Variants in ADARB2 observed in about 807,000 individuals in gnomAD.
ADARB2 encodes the protein inactive double-stranded RNA-specific editase B2.
Under a neutral mutation model 62.2 loss-of-function variants are expected in ADARB2, and 25 were observed. That is an observed-to-expected ratio of 0.40 (90% CI 0.29 to 0.56). ADARB2 has a LOEUF of 0.56. Ranked by LOEUF, ADARB2 falls within the 20% of genes least tolerant of loss-of-function variation. The pLI, the probability that ADARB2 is intolerant of heterozygous loss-of-function variation, is 0.43. For missense variants in ADARB2, 1,071 were observed against 1,077.4 expected (o/e 0.99, Z 0.08); for synonymous variants, 572 against 500.8 (o/e 1.14, Z -1.90).
chr10:1,620,341 C>T (rs905014067), intron 1 of ADARB2, among the ~76,000 whole-genome samples: 6 of 152,036 alleles, frequency 3.9e-5, no homozygotes, highest in African/African-American at 1.4e-4. Flanking sequence ...GTCATAAGCA[C>T]ATGTTATGGG....
At position 1,471,955 on chromosome 10, in the gene ADARB2, A is replaced by G. The variant is rs556008522; in HGVS notation, c.101-92795T>C. ...CGTCATTTGACCAAAAAAGTACTTT[A>G]ATTTTTGGTTGTGGTCATTTAACTA... On this transcript the variant is annotated intron_variant, in intron 1 of 9. Coordinates refer to ENST00000381312, the MANE Select transcript of ADARB2 (RefSeq NM_018702.4). Among the ~76,000 whole-genome samples the G allele has an allele frequency of 5.3e-5, 8 of 152,230 alleles. No individual in the cohort carries two copies. In the East Asian group the frequency reaches 1.5e-3, roughly 29 times the overall value.
intron 1 of ADARB2, among the ~76,000 whole-genome samples, chr10:1,501,743 C>A (rs1831771002): frequency 1.3e-5 from 2 of 152,178 alleles, no homozygotes. Flanking sequence ...TGTCCTTCAG[C>A]CAATCCTCCA....
chr10:1,695,350 T>C (rs923002959), intron 1 of ADARB2, among the ~76,000 whole-genome samples: 1 of 152,098 alleles, frequency 6.6e-6, no homozygotes, highest in African/African-American at 2.4e-5. Context: ...GCCTCAGCTG[T>C]TCTCAGCATT....
intron 1 of ADARB2, among the ~76,000 whole-genome samples, chr10:1,605,344 C>A (rs568573730): frequency 2.6e-5 from 4 of 152,218 alleles, no homozygotes; most frequent in African/African-American, 9.7e-5. Context: ...CTTACTGTGA[C>A]AATGTCACCT....
chr10:1,662,663 A>C (rs1266850761), intron 1 of ADARB2, among the ~76,000 whole-genome samples: 1 of 152,210 alleles, frequency 6.6e-6, no homozygotes, highest in East Asian at 1.9e-4. Context: ...GCAGTGAACT[A>C]CGGCCCCTCG....
intron 1 of ADARB2, among the ~76,000 whole-genome samples, chr10:1,590,496 C>G (rs568671019): frequency 9.7e-4 from 147 of 152,288 alleles, no homozygotes; most frequent in Non-Finnish European, 1.6e-3. Context: ...AGCAGTTCCC[C>G]CTCCTGCCCA....
At chr10:1,511,834 T>C (rs1284498080) in intron 1 of ADARB2, among the ~76,000 whole-genome samples, 6 of 144,148 alleles carry the variant, frequency 4.2e-5, no homozygotes, top group East Asian at 2.2e-4. Context: ...CACTGGATAC[T>C]AAGACATCGA....
chr10:1,191,484 CG>C (rs1158844310), intron 8 of ADARB2, among the ~76,000 whole-genome samples: 2 of 152,076 alleles, frequency 1.3e-5, no homozygotes, highest in African/African-American at 4.8e-5. Context: ...TCGGGCCCCA[CG>C]TTTTTTTAGT....
intron 1 of ADARB2, among the ~76,000 whole-genome samples, chr10:1,722,985 G>A (rs1431788577): frequency 1.3e-5 from 2 of 152,078 alleles, no homozygotes; most frequent in African/African-American, 4.8e-5. Context: ...ACACACTAAG[G>A]TGTCCTATAT....
chr10:1,332,993 CCT>C (rs1402585031), intron 3 of ADARB2, among the ~76,000 whole-genome samples: 17 of 152,220 alleles, frequency 1.1e-4, no homozygotes, highest in African/African-American at 3.6e-4. Flanking sequence ...TGACAACCTT[CCT>C]CTGTTAGCCC....
intron 1 of ADARB2, among the ~76,000 whole-genome samples, chr10:1,661,888 G>T (rs1405337342): frequency 6.6e-6 from 1 of 152,176 alleles, no homozygotes; most frequent in Non-Finnish European, 1.5e-5. Flanking sequence ...CTACGGAACC[G>T]CACTGCTGCT....
chr10:1,376,470 A>G (rs990799000), intron 2 of ADARB2, among the ~76,000 whole-genome samples: 2 of 152,208 alleles, frequency 1.3e-5, no homozygotes, highest in Non-Finnish European at 2.9e-5. Flanking sequence ...TCTTGGCCTC[A>G]TCAGGCCCTC....
chr10:1,634,778 C>A (rs538394637), intron 1 of ADARB2, among the ~76,000 whole-genome samples: 3 of 152,256 alleles, frequency 2.0e-5, no homozygotes, highest in South Asian at 4.1e-4. Context: ...CCAGAACAAC[C>A]AACACTGGTT....
chr10:1,428,477 T>C (rs755039626), intron 1 of ADARB2, among the ~76,000 whole-genome samples: 7 of 151,710 alleles, frequency 4.6e-5, no homozygotes, highest in Non-Finnish European at 7.4e-5. Flanking sequence ...TTAGTAGAGA[T>C]GGAGTTTCAC....
chr10:1,722,519 C>G (rs1269831233), intron 1 of ADARB2, among the ~76,000 whole-genome samples: 1 of 152,168 alleles, frequency 6.6e-6, no homozygotes, highest in Non-Finnish European at 1.5e-5. Flanking sequence ...GCCCGGTAAC[C>G]CAAAGCATGA....
chr10:1,558,446 T>C (rs1274573967), intron 1 of ADARB2, among the ~76,000 whole-genome samples: 6 of 43,264 alleles, frequency 1.4e-4, no homozygotes, highest in African/African-American at 1.7e-4. Flanking sequence ...CCCATCTAAA[T>C]CCACATCCCA....
intron 4 of ADARB2, among the ~76,000 whole-genome samples, chr10:1,244,311 G>C (rs1452303939): frequency 6.6e-6 from 1 of 152,216 alleles, no homozygotes; most frequent in Non-Finnish European, 1.5e-5. Context: ...TTAGAGAAAT[G>C]GGAAACACAT....
chr10:1,196,744 G>T (rs2131740171), intron 8 of ADARB2, among the ~76,000 whole-genome samples: 1 of 152,186 alleles, frequency 6.6e-6, no homozygotes, highest in Non-Finnish European at 1.5e-5. Flanking sequence ...TTCATGAAAA[G>T]ATATTAGGAT....
At chr10:1,729,560 A>C (rs959782055) in intron 1 of ADARB2, among the ~76,000 whole-genome samples, 1 of 152,226 alleles carries the variant, frequency 6.6e-6, no homozygotes, top group African/African-American at 2.4e-5. Flanking sequence ...ATGCAATTAC[A>C]CTTTTAGGAA....
Sources: allele counts gnomAD v4.1 joint callset (sites outside exome capture counted in the v4.1 genomes callset), GRCh38; gene constraint gnomAD v4.1.1; transcripts MANE v1.5; gene names NCBI Gene and HGNC (gene_info 2026-07-23, HGNC 2026-07-21).